DEPDC1: variants seen among roughly 807,000 people sequenced by gnomAD.
DEPDC1 encodes the protein DEP domain containing 1.
DEPDC1 carries 66 observed loss-of-function variants against 86.8 expected under a neutral mutation model. The ratio of observed to expected loss-of-function variants is 0.76; its 90% confidence interval spans 0.62 to 0.93. The LOEUF is 0.93. Ranked by LOEUF, DEPDC1 falls within the 40% of genes least tolerant of loss-of-function variation. The probability of loss-of-function intolerance (pLI) is 0.00; values close to 1 mark genes in which losing one functional copy is unlikely to be tolerated. For missense variants in DEPDC1, 792 were observed against 935.7 expected (o/e 0.85, Z 2.00); for synonymous variants, 255 against 314.9 (o/e 0.81, Z 2.02).
Position 68,483,985 on chromosome 1 carries a change from G to T in DEPDC1, c.875C>A (p.Thr292Asn), listed in dbSNP as rs535285844. The part of the protein sequence containing the change: ...YFLDLPEPLL[T>N]FEYYELFVNI... ...TACAAATAATTCGTAATATTCAAAA[G>T]TAAGTAGAGGTTCAGGGAGATCTAG... The change falls in exon 7 of 12, where the codon ACT (threonine) becomes AAT (asparagine). Residue 292 changes from threonine (T) to asparagine (N), a missense_variant. Transcript: ENST00000456315. 160 of 1,548,438 alleles carry T rather than the reference G, an allele frequency of 1.0e-4. No homozygotes were observed. The highest frequency in any genetic ancestry group is 1.3e-4 in the Non-Finnish European group (153 of 1,141,500).
intron 2 of DEPDC1, among the ~76,000 whole-genome samples, chr1:68,492,199 A>T (rs1646233429): frequency 6.6e-6 from 1 of 152,198 alleles, no homozygotes; most frequent in African/African-American, 2.4e-5. Flanking sequence ...CAAAGAAACT[A>T]TATTGAAGTT....
chr1:68,475,452 C>T lies in DEPDC1; in HGVS notation c.*1480G>A, dbSNP rs1443182357. ...CATTTTGGTTCAATAATTTTATAGCCAGGATAAAGTCATATTTATAATTTA... is the reference window on the plus strand; with the variant it reads ...CATTTTGGTTCAATAATTTTATAGCTAGGATAAAGTCATATTTATAATTTA... On this transcript the variant is annotated 3_prime_UTR_variant, in exon 12 of 12. Transcript: ENST00000456315. The T allele has an allele frequency of 6.6e-6, 1 of 151,574 alleles. No homozygotes were observed. Among genetic ancestry groups the T allele is most frequent in the African/African-American group, 2.4e-5 (1 of 41,284 alleles). The allele number at this position is 151,574 out of a possible 1,614,324, so 9.4% of individuals were successfully genotyped here. A position where few individuals can be genotyped will look rare whatever the true frequency, so the allele number is the denominator to read the frequency against.
chr1:68,478,086 C>T, intron 10 of DEPDC1, 114 bp from the exon 11 acceptor site: 3 of 745,216 alleles, frequency 4.0e-6, no homozygotes, highest in Non-Finnish European at 5.9e-6. Context: ...AAACATTCAG[C>T]CATTAAAAAA....
intron 2 of DEPDC1, among the ~76,000 whole-genome samples, chr1:68,493,411 C>A (rs1264934006): frequency 6.6e-6 from 1 of 151,986 alleles, no homozygotes; most frequent in Non-Finnish European, 1.5e-5. Context: ...ATTATGCTGA[C>A]CTGTGGGAAT....
At chr1:68,488,580 C>A in intron 4 of DEPDC1, 76 bp from the exon 5 acceptor site, 1 of 1,233,414 alleles carries the variant, frequency 8.1e-7, no homozygotes, top group Non-Finnish European at 1.1e-6. Context: ...GTAAACAAAG[C>A]CATCAGAATA....
chr1:68,478,268 A>C (rs531007763), intron 10 of DEPDC1, among the ~76,000 whole-genome samples: 1 of 152,074 alleles, frequency 6.6e-6, no homozygotes, highest in South Asian at 2.1e-4. Flanking sequence ...GCCCACAATA[A>C]GCATTAAATA....
rs1168721111 is a variant in DEPDC1 at position 68,496,615 on chromosome 1, G to T, written c.48+337C>A. On this transcript the variant is annotated intron_variant, in intron 1 of 11. Transcript: ENST00000456315. This position sits in a 1 kb window ranked among gnomAD's most constrained non-coding sequence, Gnocchi z 4.0. The stretch of plus-strand genomic sequence containing the variant: ...TAATTCTGAGGCGGGTAGAAAATCA[G>T]GCGAGGTGAGCGGCCAAATCGGAAT... 3.6e-6 allele frequency: 1 copy of T among 278,602 alleles called. No individual in the cohort carries two copies. The highest frequency in any genetic ancestry group is 6.7e-6 in the Non-Finnish European group (1 of 149,664). 17.3% of individuals were successfully genotyped at this position (278,602 alleles called of 1,614,324 possible). A position where few individuals can be genotyped will look rare whatever the true frequency, so the allele number is the denominator to read the frequency against.
chr1:68,483,546 T>C, intron 7 of DEPDC1: 1 of 320,734 alleles, frequency 3.1e-6, no homozygotes, highest in Non-Finnish European at 6.0e-6. Flanking sequence ...GGGAGTTTTC[T>C]AGGTTAGTGA....
At position 68,481,629 on chromosome 1, in the gene DEPDC1, C is replaced by T; in HGVS notation, c.1763-17G>A. The T allele has an allele frequency of 6.8e-7, 1 of 1,470,008 alleles. No homozygotes were observed. Among genetic ancestry groups the T allele is most frequent in the Admixed American group, 2.2e-5 (1 of 45,416 alleles). The allele number at this position is 1,470,008 out of a possible 1,614,324, so 91.1% of individuals were successfully genotyped here. A position where few individuals can be genotyped will look rare whatever the true frequency, so the allele number is the denominator to read the frequency against. Reference sequence around the variant, plus strand: ...GCAGCAAGCCTAGAATACAAAAATACCCCCCCAAAAATCATCAATGACACT... The same window carrying T: ...GCAGCAAGCCTAGAATACAAAAATATCCCCCCAAAAATCATCAATGACACT... On this transcript the variant is annotated splice_polypyrimidine_tract_variant and intron_variant, in intron 8 of 11. Transcript: ENST00000456315.
At chr1:68,485,316 T>C (rs1352774910) in intron 6 of DEPDC1, among the ~76,000 whole-genome samples, 1 of 151,996 alleles carries the variant, frequency 6.6e-6, no homozygotes, top group Non-Finnish European at 1.5e-5. Context: ...GAATTAAAAA[T>C]ATTAAAAATA....
intron 8 of DEPDC1, 31 bp downstream of exon 8, chr1:68,482,015 A>G: frequency 6.5e-7 from 1 of 1,532,458 alleles, no homozygotes; most frequent in Non-Finnish European, 8.7e-7. Flanking sequence ...CTCAAAGTTA[A>G]TATTGCATGC....
chr1:68,481,693 G>T, intron 8 of DEPDC1, 81 bp from the exon 9 acceptor site: 1 of 1,117,696 alleles, frequency 8.9e-7, no homozygotes, highest in Non-Finnish European at 1.2e-6. Flanking sequence ...GCTATATAAA[G>T]AAGGTAAAAT....
Position 68,489,500 on chromosome 1 carries a change from T to A in DEPDC1, c.423A>T (p.Arg141=). Residue 141 remains arginine, a synonymous_variant, in exon 3 of 12, where the codon CGA becomes CGT. Transcript: ENST00000456315. The stretch of plus-strand genomic sequence containing the variant: ...TTTTAGGAGTTCTACGAGATAAGTT[T>A]CGTAATTTAAAAATGCTATCTTTAT... ...SKDKDSIFKL[R]NLSRRTPKRH... The A allele has an allele frequency of 3.9e-6, 6 of 1,537,656 alleles. 1 individual carries two copies. The South Asian group carries it at 7.8e-5, about 20-fold the overall frequency.
intron 5 of DEPDC1, 108 bp downstream of exon 5, chr1:68,488,266 G>T: frequency 2.0e-6 from 2 of 1,013,110 alleles, no homozygotes; most frequent in Non-Finnish European, 2.7e-6. Context: ...CCCCTCTGAT[G>T]CTCCATGAAA....
chr1:68,477,035 C>T lies in DEPDC1; in HGVS notation c.2333G>A (p.Arg778Lys). ...QKEYPLIYQK[R>K]FPTTESEAAL... Reference sequence around the variant, plus strand: ...TGCTTCACTCTCCGTGGTTGGAAATCTTTTCTGATATATCAAAGGATATTC... The same window carrying T: ...TGCTTCACTCTCCGTGGTTGGAAATTTTTTCTGATATATCAAAGGATATTC... Residue 778 changes from arginine to lysine, a missense_variant, in exon 12 of 12, where the codon AGA (arginine) becomes AAA (lysine). Coordinates refer to ENST00000456315, the MANE Select transcript of DEPDC1 (RefSeq NM_001114120.3). 4.4e-6 allele frequency: 7 copies of T among 1,607,652 alleles called. No individual in the cohort carries two copies. Among genetic ancestry groups the T allele is most frequent in the Non-Finnish European group, 5.9e-6 (7 of 1,176,636 alleles).
chr1:68,488,094 A>G (rs1013368220), intron 5 of DEPDC1, among the ~76,000 whole-genome samples: 4 of 151,860 alleles, frequency 2.6e-5, no homozygotes, highest in African/African-American at 7.2e-5. Context: ...GTGCTTAATC[A>G]AAACTTTTCT....
chr1:68,487,097 T>C (rs1035817471), intron 5 of DEPDC1, 113 bp from the exon 6 acceptor site: 70 of 845,594 alleles, frequency 8.3e-5, no homozygotes, highest in East Asian at 3.2e-5. Context: ...TACACATACA[T>C]GTTACATTTG....
At position 68,496,876 on chromosome 1, in the gene DEPDC1, C is replaced by CGGTCGAGGTAAAACTGCGAAT; in HGVS notation, c.48+75_48+76insATTCGCAGTTTTACCTCGACC. On this transcript the variant is annotated intron_variant, in intron 1 of 11. Transcript: ENST00000456315. The surrounding 1 kb of genome is among the most constrained non-coding windows in gnomAD (Gnocchi z 4.0). ...CCTCCGACCGAGGTAAAACTGCGAA[C>CGGTCGAGGTAAAACTGCGAAT]GGTCGAGGTAAAACTGCGAACAGTG... 6.8e-7 allele frequency: 1 copy of CGGTCGAGGTAAAACTGCGAAT among 1,474,390 alleles called. No individual in the cohort carries two copies. The highest frequency in any genetic ancestry group is 9.4e-7 in the Non-Finnish European group (1 of 1,064,262). The allele number at this position is 1,474,390 out of a possible 1,614,324, so 91.3% of individuals were successfully genotyped here. A position where few individuals can be genotyped will look rare whatever the true frequency, so the allele number is the denominator to read the frequency against.
Position 68,489,475 on chromosome 1 carries a change from T to C in DEPDC1, c.448A>G (p.Arg150Gly). 1 of 1,519,034 alleles carries C rather than the reference T, an allele frequency of 6.6e-7. No individual in the cohort carries two copies. Among genetic ancestry groups the C allele is most frequent in the Non-Finnish European group, 8.7e-7 (1 of 1,144,244 alleles). The allele number at this position is 1,519,034 out of a possible 1,614,324, so 94.1% of individuals were successfully genotyped here. A position where few individuals can be genotyped will look rare whatever the true frequency, so the allele number is the denominator to read the frequency against. ...ACCTGAGATAAATGTAATCCATGCCTTTTAGGAGTTCTACGAGATAAGTTT... is the reference window on the plus strand; with the variant it reads ...ACCTGAGATAAATGTAATCCATGCCCTTTAGGAGTTCTACGAGATAAGTTT... Reference protein sequence around the residue: ...LRNLSRRTPKRHGLHLSQENG... With the variant: ...LRNLSRRTPKGHGLHLSQENG... The change falls in exon 3 of 12, where the codon AGG becomes GGG. Residue 150 changes from arginine (R) to glycine (G), a missense_variant. Transcript: ENST00000456315.
Sources: allele counts gnomAD v4.1 joint callset (sites outside exome capture counted in the v4.1 genomes callset), GRCh38; gene constraint gnomAD v4.1.1; non-coding constraint Gnocchi (gnomAD v3.1); transcripts MANE v1.5; gene names NCBI Gene and HGNC (gene_info 2026-07-23, HGNC 2026-07-21).